The following CORIN variants were observed in gnomAD, a reference collection of about 807,000 sequenced individuals.
The protein encoded by CORIN is atrial natriuretic peptide-converting enzyme.
A neutral mutation model predicts 125.3 loss-of-function variants in CORIN; 117 were observed. That is an observed-to-expected ratio of 0.93 (90% CI 0.80 to 1.09). The LOEUF is 1.09. Among genes scored for constraint, CORIN ranks in the 50% least tolerant of loss-of-function variants. CORIN has a pLI of 0.00. For synonymous variants in CORIN, 450 were observed against 466.4 expected (o/e 0.96, Z 0.45); for missense variants, 1,253 against 1,306.7 (o/e 0.96, Z 0.63).
At chr4:47,706,227 T>C (rs1413473354) in intron 5 of CORIN, 2 of 602,684 alleles carry the variant, frequency 3.3e-6, no homozygotes, top group African/African-American at 1.9e-5. Flanking sequence ...GGTATCCAGA[T>C]TGAAATGAAA....
intron 6 of CORIN, among the ~76,000 whole-genome samples, chr4:47,686,227 T>C (rs1319098): frequency 0.04 from 6,060 of 151,766 alleles, 354 homozygotes; most frequent in African/African-American, 0.13. Flanking sequence ...AGGAATGGAA[T>C]GGGCCTTAGA....
At chr4:47,698,889 T>G (rs1335041306) in intron 5 of CORIN, among the ~76,000 whole-genome samples, 1 of 152,240 alleles carries the variant, frequency 6.6e-6, no homozygotes, top group Admixed American at 6.5e-5. Context: ...CTTATTGTAT[T>G]ACAACTGCCT....
At chr4:47,706,982 C>T (rs962126190) in intron 5 of CORIN, 11 of 1,566,774 alleles carry the variant, frequency 7.0e-6, no homozygotes, top group Non-Finnish European at 6.9e-6. Context: ...CCACCGTTAC[C>T]GCTAATACAA....
At chr4:47,639,638 C>A (rs1233546728) in intron 16 of CORIN, among the ~76,000 whole-genome samples, 1 of 152,218 alleles carries the variant, frequency 6.6e-6, no homozygotes, top group Non-Finnish European at 1.5e-5. Flanking sequence ...CCTTGTGCAG[C>A]ATAGGCCAAT....
In CORIN at chr4:47,623,663, C is replaced by G. The variant is rs145089913; in HGVS notation, c.2448G>C (p.Gln816His). 77 of 1,614,132 alleles carry G rather than the reference C, an allele frequency of 4.8e-5. 1 individual carries two copies. In the African/African-American group the frequency reaches 9.2e-4, roughly 19 times the overall value. The part of the protein sequence containing the change: ...RTSRPGRWPW[Q>H]CSLQSEPSGH... ...CACTGGGTTCACTCTGCAGAGAACA[C>G]TGCCATGGCCACCTTCCAGGGCGAC... The change falls in exon 19 of 22, where the codon CAG (glutamine) becomes CAC (histidine). Residue 816 changes from glutamine to histidine, a missense_variant. Transcript: ENST00000273857.
At chr4:47,700,481 C>T (rs1726234094) in intron 5 of CORIN, among the ~76,000 whole-genome samples, 2 of 152,170 alleles carry the variant, frequency 1.3e-5, no homozygotes, top group Non-Finnish European at 2.9e-5. Context: ...AAAGATCTTT[C>T]AGGCATATTT....
intron 21 of CORIN, among the ~76,000 whole-genome samples, chr4:47,596,401 C>G (rs1721251502): frequency 6.6e-6 from 1 of 152,136 alleles, no homozygotes; most frequent in Non-Finnish European, 1.5e-5. Context: ...TTTGGGGTCC[C>G]TTACTACACT....
intron 5 of CORIN, among the ~76,000 whole-genome samples, chr4:47,729,861 A>ACTCTCC (rs1727783726): frequency 6.6e-6 from 1 of 152,188 alleles, no homozygotes; most frequent in African/African-American, 2.4e-5. Flanking sequence ...GCAGAGAAAG[A>ACTCTCC]GAGAAGAGAG....
At chr4:47,757,895 T>TATATAC (rs1553916094) in intron 4 of CORIN, among the ~76,000 whole-genome samples, 3 of 144,950 alleles carry the variant, frequency 2.1e-5, no homozygotes, top group Non-Finnish European at 3.0e-5. Context: ...TATATATATA[T>TATATAC]ATATATATAT....
chr4:47,837,991 G>C lies in CORIN; in HGVS notation c.-42C>G. ...TTATTCTTCTGTCCACTTTTATCTT[G>C]GTCGCTTTTCTCTCCTCTACGTGTC... On this transcript the variant is annotated 5_prime_UTR_variant, in exon 1 of 22. Transcript: ENST00000273857. 6.2e-7 allele frequency: 1 copy of C among 1,605,828 alleles called. No individual in the cohort carries two copies. Among genetic ancestry groups the C allele is most frequent in the East Asian group, 2.2e-5 (1 of 44,870 alleles).
chr4:47,641,069 G>T (rs10213124), intron 16 of CORIN, among the ~76,000 whole-genome samples: 39,733 of 151,894 alleles, frequency 0.26, 5,417 homozygotes, highest in Admixed American at 0.36. Flanking sequence ...ACTCAAGATG[G>T]TGGGAGCTGC....
Position 47,693,987 on chromosome 4 carries a change from GA to G in CORIN, c.800-905del, listed in dbSNP as rs552162261. ...CTTATTTCTTAGACTTCACAAAAAG[GA>G]AATCATTATGAATTTATGTTTTATG... On this transcript the variant is annotated intron_variant, in intron 5 of 21. Coordinates refer to ENST00000273857, the MANE Select transcript of CORIN (RefSeq NM_006587.4). Among the ~76,000 whole-genome samples the G allele has an allele frequency of 1.8e-3, 268 of 152,216 alleles. 1 individual carries two copies. The highest frequency in any genetic ancestry group is 6.4e-3 in the African/African-American group (265 of 41,530).
At chr4:47,657,537 A>G (rs1724049451) in intron 12 of CORIN, among the ~76,000 whole-genome samples, 1 of 146,154 alleles carries the variant, frequency 6.8e-6, no homozygotes, top group South Asian at 2.1e-4. Flanking sequence ...TCCGTCTCCA[A>G]AAAAAAAAAA....
chr4:47,771,459 A>G (rs1346945322), intron 3 of CORIN, among the ~76,000 whole-genome samples: 1 of 152,162 alleles, frequency 6.6e-6, no homozygotes, highest in East Asian at 1.9e-4. Context: ...TTTTATTTTA[A>G]GTTCAGGGGT....
At chr4:47,647,750 C>G (rs1305267054) in intron 13 of CORIN, among the ~76,000 whole-genome samples, 1 of 152,110 alleles carries the variant, frequency 6.6e-6, no homozygotes, top group Non-Finnish European at 1.5e-5. Flanking sequence ...TTGTAAGATG[C>G]GAACATGAAG....
chr4:47,781,667 C>T (rs901034778), intron 3 of CORIN, among the ~76,000 whole-genome samples: 22 of 152,160 alleles, frequency 1.4e-4, no homozygotes, highest in African/African-American at 5.3e-4. Flanking sequence ...TTTAAATCAA[C>T]AACGGTGGCT....
intron 5 of CORIN, among the ~76,000 whole-genome samples, chr4:47,723,344 C>G (rs1389080688): frequency 6.6e-6 from 1 of 152,156 alleles, no homozygotes; most frequent in Non-Finnish European, 1.5e-5. Flanking sequence ...AAAGTCCTGC[C>G]TGGGTTTATC....
chr4:47,634,681 C>G (rs896269357), intron 16 of CORIN, among the ~76,000 whole-genome samples: 1 of 152,244 alleles, frequency 6.6e-6, no homozygotes, highest in African/African-American at 2.4e-5. Context: ...AAATAAAAAT[C>G]TTGTTGAAGA....
chr4:47,633,937 A>T, intron 16 of CORIN, among the ~76,000 whole-genome samples: 1 of 152,228 alleles, frequency 6.6e-6, no homozygotes, highest in East Asian at 1.9e-4. Flanking sequence ...TTCACTTCAA[A>T]GTTTTAAGTC....
Sources: gnomAD v4.1 joint callset for allele counts (sites outside exome capture counted in the v4.1 genomes callset) on GRCh38, gnomAD v4.1.1 for gene constraint, MANE v1.5 for transcripts, NCBI Gene and HGNC (gene_info 2026-07-23, HGNC 2026-07-21) for gene names.